The following ST6GALNAC3 variants were observed in gnomAD, a reference collection of about 807,000 sequenced individuals.
ST6GALNAC3 encodes the protein alpha-N-acetylgalactosaminide alpha-2,6-sialyltransferase 3.
Under a neutral mutation model 32.7 loss-of-function variants are expected in ST6GALNAC3, and 25 were observed. That is an observed-to-expected ratio of 0.76 (90% CI 0.56 to 1.07). ST6GALNAC3 has a LOEUF of 1.07. ST6GALNAC3 is among the 50% of genes least tolerant of loss of function. ST6GALNAC3 has a pLI of 0.00. For synonymous variants in ST6GALNAC3, 129 were observed against 133.1 expected (o/e 0.97, Z 0.21); for missense variants, 355 against 382.4 (o/e 0.93, Z 0.60).
intron 3 of ST6GALNAC3, among the ~76,000 whole-genome samples, chr1:76,514,994 T>G (rs910591960): frequency 6.6e-6 from 1 of 152,190 alleles, no homozygotes; most frequent in Non-Finnish European, 1.5e-5. Flanking sequence ...GTTGTGTCCT[T>G]GTGTGGCTTT....
intron 1 of ST6GALNAC3, among the ~76,000 whole-genome samples, chr1:76,136,027 G>T (rs978041946): frequency 6.6e-6 from 1 of 152,178 alleles, no homozygotes; most frequent in African/African-American, 2.4e-5. Context: ...GCTTGCTCAT[G>T]TGCAGTCTGG....
chr1:76,127,856 A>G (rs993935794), intron 1 of ST6GALNAC3, among the ~76,000 whole-genome samples: 7 of 152,036 alleles, frequency 4.6e-5, no homozygotes, highest in Admixed American at 2.6e-4. Context: ...ACACCCTCCC[A>G]TTGCTCTCAT....
In ST6GALNAC3 at chr1:76,627,212, C is replaced by T. The variant is rs544399680; in HGVS notation, c.624-240C>T. Among the ~76,000 whole-genome samples, 193 of 152,020 alleles carry T rather than the reference C, an allele frequency of 1.3e-3. 1 individual carries two copies. Among genetic ancestry groups the T allele is most frequent in the Admixed American group, 2.3e-3 (35 of 15,234 alleles). The stretch of plus-strand genomic sequence containing the variant: ...AGATATTTGCTATATGGCTTCTCTT[C>T]CACACAACATAGCTTTGAGGCTTAA... On this transcript the variant is annotated intron_variant, in intron 3 of 4. Transcript: ENST00000328299.
intron 2 of ST6GALNAC3, among the ~76,000 whole-genome samples, chr1:76,343,197 C>A (rs1417098524): frequency 6.6e-6 from 1 of 152,066 alleles, no homozygotes; most frequent in Non-Finnish European, 1.5e-5. Context: ...TAGTTGTTCT[C>A]TATTTTTTTG....
intron 1 of ST6GALNAC3, among the ~76,000 whole-genome samples, chr1:76,221,720 A>G (rs908734015): frequency 6.6e-6 from 1 of 152,062 alleles, no homozygotes; most frequent in Non-Finnish European, 1.5e-5. Context: ...ATGATAATGA[A>G]TTTTTTTCCA....
chr1:76,230,596 G>C (rs1489142238), intron 1 of ST6GALNAC3, among the ~76,000 whole-genome samples: 1 of 152,112 alleles, frequency 6.6e-6, no homozygotes, highest in African/African-American at 2.4e-5. Flanking sequence ...TATGAGATTA[G>C]TATTATTAAA....
chr1:76,087,965 C>T (rs770655496), intron 1 of ST6GALNAC3, among the ~76,000 whole-genome samples: 4 of 152,138 alleles, frequency 2.6e-5, no homozygotes, highest in Non-Finnish European at 4.4e-5. Context: ...AACTGAGGCT[C>T]GGAGAGAACT....
chr1:76,589,883 A>G (rs1260765236), intron 3 of ST6GALNAC3, among the ~76,000 whole-genome samples: 1 of 151,976 alleles, frequency 6.6e-6, no homozygotes, highest in East Asian at 2.0e-4. Context: ...CTTGGGAAGT[A>G]GGGATCAACA....
intron 3 of ST6GALNAC3, among the ~76,000 whole-genome samples, chr1:76,544,447 T>G (rs1343141872): frequency 2.0e-5 from 3 of 152,192 alleles, no homozygotes; most frequent in Non-Finnish European, 4.4e-5. Flanking sequence ...GTGATGGCCA[T>G]GGTGCAAGTA....
intron 1 of ST6GALNAC3, among the ~76,000 whole-genome samples, chr1:76,145,981 A>G (rs1240608333): frequency 1.3e-5 from 2 of 152,228 alleles, no homozygotes; most frequent in Non-Finnish European, 2.9e-5. Flanking sequence ...AATGAACACA[A>G]ATGGCTTACT....
Position 76,634,478 on chromosome 1 carries a change from A to T in ST6GALNAC3, c.*5672A>T, listed in dbSNP as rs1387839233. The stretch of plus-strand genomic sequence containing the variant: ...TTTCTCATTCATTTTAAAACCCATA[A>T]TCTTCATCTATTTTTAGAAGAAAGT... On this transcript the variant is annotated 3_prime_UTR_variant, in exon 5 of 5. Transcript: ENST00000328299. 2 of 152,016 alleles carry T rather than the reference A, an allele frequency of 1.3e-5. No individual in the cohort carries two copies. Among genetic ancestry groups the T allele is most frequent in the Non-Finnish European group, 2.9e-5 (2 of 68,004 alleles). The allele number at this position is 152,016 out of a possible 1,614,324, so 9.4% of individuals were successfully genotyped here.
chr1:76,405,443 C>T (rs1653756044), intron 2 of ST6GALNAC3, among the ~76,000 whole-genome samples: 1 of 151,978 alleles, frequency 6.6e-6, no homozygotes, highest in South Asian at 2.1e-4. Flanking sequence ...TGGCACTTGT[C>T]CCAATATATC....
At chr1:76,449,508 A>G (rs575920049) in intron 3 of ST6GALNAC3, among the ~76,000 whole-genome samples, 33 of 152,338 alleles carry the variant, frequency 2.2e-4, no homozygotes, top group African/African-American at 7.7e-4. Context: ...ACATAGCTGT[A>G]TAAGTTTGCA....
chr1:76,218,871 C>A (rs916674067), intron 1 of ST6GALNAC3, among the ~76,000 whole-genome samples: 1 of 152,174 alleles, frequency 6.6e-6, no homozygotes, highest in Admixed American at 6.5e-5. Flanking sequence ...GTAGTATAGA[C>A]AATAATTACT....
At chr1:76,135,799 A>G (rs1169928836) in intron 1 of ST6GALNAC3, among the ~76,000 whole-genome samples, 1 of 152,174 alleles carries the variant, frequency 6.6e-6, no homozygotes, top group Non-Finnish European at 1.5e-5. Flanking sequence ...TCCTGCCTGG[A>G]TAGGTTTCCA....
chr1:76,099,014 A>G (rs958148534), intron 1 of ST6GALNAC3, among the ~76,000 whole-genome samples: 5 of 152,068 alleles, frequency 3.3e-5, no homozygotes, highest in African/African-American at 1.2e-4. Context: ...GGCATCTTTC[A>G]TTGAAAAGAC....
intron 3 of ST6GALNAC3, among the ~76,000 whole-genome samples, chr1:76,445,237 A>ATCT (rs1268537900): frequency 3.3e-5 from 5 of 152,128 alleles, no homozygotes; most frequent in African/African-American, 1.2e-4. Context: ...GTATATAACA[A>ATCT]TCTTAGTGTT....
At chr1:76,376,101 A>AC (rs1279368051) in intron 2 of ST6GALNAC3, among the ~76,000 whole-genome samples, 1 of 108,950 alleles carries the variant, frequency 9.2e-6, no homozygotes, top group Non-Finnish European at 2.1e-5. Context: ...TCTCCCCTAA[A>AC]CCTTTTTTTT....
At chr1:76,191,703 G>A (rs766270543) in intron 1 of ST6GALNAC3, among the ~76,000 whole-genome samples, 14 of 152,086 alleles carry the variant, frequency 9.2e-5, no homozygotes, top group Non-Finnish European at 1.5e-4. Context: ...AGAAAGAAGA[G>A]GTGGCTGAGG....
Sources: gnomAD v4.1 joint callset for allele counts (sites outside exome capture counted in the v4.1 genomes callset) on GRCh38, gnomAD v4.1.1 for gene constraint, MANE v1.5 for transcripts, NCBI Gene and HGNC (gene_info 2026-07-23, HGNC 2026-07-21) for gene names.